The following GATM variants were observed in gnomAD, a reference collection of about 807,000 sequenced individuals.
GATM encodes glycine amidinotransferase.
Under a neutral mutation model 54.2 loss-of-function variants are expected in GATM, and 23 were observed. The ratio of observed to expected loss-of-function variants is 0.42; its 90% CI spans 0.31 to 0.60. The LOEUF is 0.60. Among genes scored for constraint, GATM ranks in the 20% least tolerant of loss-of-function variants. The pLI is 0.14. For synonymous variants in GATM, 168 were observed against 183.1 expected (o/e 0.92, Z 0.67); for missense variants, 401 against 544.9 (o/e 0.74, Z 2.63).
chr15:45,369,319 C>T lies in GATM; in HGVS notation c.484+7G>A, dbSNP rs749748325. 35 of 1,612,246 alleles carry T rather than the reference C, an allele frequency of 2.2e-5. No individual in the cohort carries two copies. The East Asian group carries it at 6.7e-4, about 31-fold the overall frequency. On this transcript the variant is annotated splice_region_variant and intron_variant, in intron 3 of 8. Coordinates refer to ENST00000396659, the MANE Select transcript of GATM (RefSeq NM_001482.3). ...CACTGGCAGTTTAGTTATCTGACAT[C>T]ACTTACCCGTAGACTCAAAATCAGG...
At chr15:45,383,418 T>C (rs373503420), upstream of GATM, among the ~76,000 whole-genome samples, 3 of 152,204 alleles carry the variant, frequency 2.0e-5, no homozygotes, top group Admixed American at 6.5e-5. Context: ...CTGAAACTGA[T>C]ACAGCTTTAA....
At chr15:45,396,852 A>G (rs1236332068) in intron 3 of GATM, 1 of 130,536 alleles carries the variant, frequency 7.7e-6, no homozygotes, top group Non-Finnish European at 1.6e-5. Context: ...CCTGGGCAAC[A>G]GGGTGAGACT....
chr15:45,369,543 C>T (rs747875956), intron 2 of GATM, 22 bp from the exon 3 acceptor site: 7 of 1,604,926 alleles, frequency 4.4e-6, no homozygotes, highest in Non-Finnish European at 6.0e-6. Flanking sequence ...AGCAAATAAA[C>T]ACAATACTTA....
At chr15:45,377,222 A>G in intron 1 of GATM, 1 of 490,930 alleles carries the variant, frequency 2.0e-6, no homozygotes. Context: ...TCAGCTGGGG[A>G]CGGAACCTCC....
rs189858020 is a variant in GATM, at chr15:45,396,523, T to A, written c.-319+399A>T. Among the ~76,000 whole-genome samples the A allele has an allele frequency of 8.8e-4, 134 of 152,184 alleles. 6 individuals carry two copies. In the South Asian group the frequency reaches 0.022, roughly 25 times the overall value. On this transcript the variant is annotated intron_variant, in intron 3 of 4. Coordinates refer to the GATM transcript ENST00000561148. ...GAAATAGAAAAGAGTAGATGAATGTTTAGATAAGCTGGCAGCACACAGTTT... is the reference window on the plus strand; with the variant it reads ...GAAATAGAAAAGAGTAGATGAATGTATAGATAAGCTGGCAGCACACAGTTT...
chr15:45,402,214 G>A (rs1890030322), exon 1 of GATM: 1 of 634,844 alleles, frequency 1.6e-6, no homozygotes, highest in Non-Finnish European at 2.5e-6. Context: ...TAGGCAACTC[G>A]ATTTCACGAA....
chr15:45,376,862 T>A (rs1465160744), intron 1 of GATM, 43 bp from the exon 2 acceptor site: 1 of 1,527,966 alleles, frequency 6.5e-7, no homozygotes, highest in Admixed American at 1.9e-5. Flanking sequence ...CATTGCTCTA[T>A]CAGTACTTAC....
intron 3 of GATM, among the ~76,000 whole-genome samples, chr15:45,386,511 TCCCACAGCC>T (rs1889805105): frequency 3.3e-5 from 5 of 152,180 alleles, no homozygotes; most frequent in African/African-American, 4.8e-5. Context: ...GGAGAAAACC[TCCCACAGCC>T]ACCTGGCTCC....
At chr15:45,377,277 TA>T (rs969972956) in intron 1 of GATM, 15 of 460,376 alleles carry the variant, frequency 3.3e-5, no homozygotes, top group Middle Eastern at 3.2e-4. Context: ...GCTTTTTATT[TA>T]TTTTTTTTTA....
At chr15:45,387,633 A>C (rs940626914) in intron 3 of GATM, among the ~76,000 whole-genome samples, 19 of 152,238 alleles carry the variant, frequency 1.2e-4, no homozygotes, top group Non-Finnish European at 2.5e-4. Flanking sequence ...TGTTGTACTT[A>C]GCACAGTGAT....
intron 8 of GATM, among the ~76,000 whole-genome samples, chr15:45,363,036 G>A (rs367869813): frequency 1.3e-5 from 2 of 152,078 alleles, no homozygotes; most frequent in African/African-American, 4.8e-5. Flanking sequence ...TAATCCCAAT[G>A]CTATGGGAGG....
chr15:45,395,755 G>T (rs1889919767), intron 3 of GATM, among the ~76,000 whole-genome samples: 1 of 152,144 alleles, frequency 6.6e-6, no homozygotes, highest in Non-Finnish European at 1.5e-5. Context: ...ACTTGGAGGA[G>T]AGAATACCAT....
intron 6 of GATM, among the ~76,000 whole-genome samples, chr15:45,365,668 C>T (rs1889436755): frequency 6.6e-6 from 1 of 152,210 alleles, no homozygotes; most frequent in African/African-American, 2.4e-5. Context: ...GGAATACAAC[C>T]ACTGCCCAGT....
At chr15:45,365,352 C>T (rs547039818) in intron 6 of GATM, among the ~76,000 whole-genome samples, 1 of 152,304 alleles carries the variant, frequency 6.6e-6, no homozygotes, top group Admixed American at 6.5e-5. Context: ...TTAGCCGTCC[C>T]TGTGTTCACA....
intron 6 of GATM, among the ~76,000 whole-genome samples, chr15:45,365,651 T>C (rs562428884): frequency 6.1e-4 from 93 of 152,310 alleles, no homozygotes; most frequent in African/African-American, 2.2e-3. Flanking sequence ...GCTACCCCAC[T>C]GTAGAGGGAA....
chr15:45,370,250 C>A (rs1483216475), intron 2 of GATM, among the ~76,000 whole-genome samples: 2 of 151,998 alleles, frequency 1.3e-5, no homozygotes. Context: ...GTGGCACGTG[C>A]CTGTAGTCAC....
At chr15:45,375,361 G>A (rs892824284) in intron 2 of GATM, among the ~76,000 whole-genome samples, 15 of 152,162 alleles carry the variant, frequency 9.9e-5, no homozygotes, top group African/African-American at 2.7e-4. Context: ...GAGCCACCGC[G>A]CCTGGCCACC....
At chr15:45,372,122 G>A (rs2140650789) in intron 2 of GATM, among the ~76,000 whole-genome samples, 1 of 152,330 alleles carries the variant, frequency 6.6e-6, no homozygotes, top group East Asian at 1.9e-4. Flanking sequence ...AATTTGGCCT[G>A]CTGCTTGTTT....
In GATM at chr15:45,361,522, T is replaced by C. The variant is rs1387185262; in HGVS notation, c.*587A>G. The C allele has an allele frequency of 1.3e-5, 2 of 156,294 alleles. No homozygotes were observed. The highest frequency in any genetic ancestry group is 1.3e-4 in the Admixed American group (2 of 15,416). The allele number at this position is 156,294 out of a possible 1,614,324, so 9.7% of individuals were successfully genotyped here. A position where few individuals can be genotyped will look rare whatever the true frequency, so the allele number is the denominator to read the frequency against. On this transcript the variant is annotated 3_prime_UTR_variant, in exon 9 of 9. Transcript: ENST00000396659. ...GGAAAATTCACTTTGATGTTTTGCA[T>C]AGTCTAGGTTATTTTTTAAAAAACA...
Sources: gnomAD v4.1 joint callset for allele counts (sites outside exome capture counted in the v4.1 genomes callset) on GRCh38, gnomAD v4.1.1 for gene constraint, MANE v1.5 for transcripts, NCBI Gene and HGNC (gene_info 2026-07-23, HGNC 2026-07-21) for gene names.